RIF1: variants seen among roughly 807,000 people sequenced by gnomAD.
RIF1 encodes replication timing regulatory factor 1, also known as telomere-associated protein RIF1.
A neutral mutation model predicts 247.1 loss-of-function variants in RIF1; 45 were observed. The observed-to-expected ratio is 0.18, with a 90% CI of 0.14 to 0.23. RIF1 has a LOEUF of 0.23. RIF1 is among the 10% of genes least tolerant of loss of function. The pLI is 1.00. For synonymous variants in RIF1, 1,087 were observed against 978.8 expected (o/e 1.11, Z -2.06); for missense variants, 2,967 against 2,862.5 (o/e 1.04, Z -0.83).
At chr2:151,411,130 C>T (rs1365862948) in intron 2 of RIF1, 130 bp from the exon 3 acceptor site, 2 of 633,882 alleles carry the variant, frequency 3.2e-6, no homozygotes, top group African/African-American at 1.9e-5. Context: ...CCCTTAAGGA[C>T]CTTACCTACT....
chr2:151,428,774 C>G lies in RIF1; in HGVS notation c.787-10C>G. On this transcript the variant is annotated splice_polypyrimidine_tract_variant and intron_variant, in intron 8 of 35. Transcript: ENST00000444746. Reference sequence around the variant, plus strand: ...TAAATAACTTCTTAATGATTTTTTCCCCTTTTTAGACCTTGCATCGAAGTG... The same window carrying G: ...TAAATAACTTCTTAATGATTTTTTCGCCTTTTTAGACCTTGCATCGAAGTG... 1 of 1,591,092 alleles carries G rather than the reference C, an allele frequency of 6.3e-7. No individual in the cohort carries two copies.
At chr2:151,534,235 C>A in the RIF1 span, 2 of 1,613,348 alleles carry the variant, frequency 1.2e-6, no homozygotes, top group Admixed American at 3.3e-5. Context: ...TGGTCGCCTG[C>A]GGTCTTAGCC....
At chr2:151,446,314 G>A in intron 19 of RIF1, 112 bp from the exon 20 acceptor site, 6 of 810,184 alleles carry the variant, frequency 7.4e-6, no homozygotes, top group Non-Finnish European at 9.4e-6. Flanking sequence ...TGTCTTTTTT[G>A]ACACACTAAA....
At chr2:151,451,487 G>A in intron 20 of RIF1, 119 bp from the exon 21 acceptor site, 1 of 638,576 alleles carries the variant, frequency 1.6e-6, no homozygotes, top group East Asian at 2.8e-5. Flanking sequence ...GTAAGCTGTG[G>A]CATGTGTGTT....
In RIF1 at chr2:151,458,921, G is replaced by A. The variant is rs1332192125; in HGVS notation, c.2955+11G>A. 1.2e-5 allele frequency: 17 copies of A among 1,468,506 alleles called. No individual in the cohort carries two copies. Among genetic ancestry groups the A allele is most frequent in the Non-Finnish European group, 1.6e-5 (17 of 1,059,734 alleles). 91.0% of individuals were successfully genotyped at this position (1,468,506 alleles called of 1,614,324 possible). Reference sequence around the variant, plus strand: ...CCATATTCTGATGGAGTAAGTTGGGGGGTTTTATTGTTCATTTGTTTTTGG... The same window carrying A: ...CCATATTCTGATGGAGTAAGTTGGGAGGTTTTATTGTTCATTTGTTTTTGG... On this transcript the variant is annotated intron_variant, in intron 25 of 35. Transcript: ENST00000444746.
chr2:151,462,256 C>T lies in RIF1; in HGVS notation c.3242C>T (p.Ala1081Val), dbSNP rs753065045. 6.3e-7 allele frequency: 1 copy of T among 1,579,618 alleles called. No homozygotes were observed. Among genetic ancestry groups the T allele is most frequent in the South Asian group, 1.2e-5 (1 of 84,978 alleles). ...GTTTTTTTCAGGTGTGATATTCCTG[C>T]CATGTATAATAATCTGGATGTTTCC... ...VLKTKRCDIP[A>V]MYNNLDVSQD... is the part of the protein sequence containing the mutation. Residue 1081 changes from alanine (A) to valine (V), a missense_variant, in exon 28 of 36, where the codon GCC becomes GTC. Transcript: ENST00000444746.
intron 25 of RIF1, among the ~76,000 whole-genome samples, chr2:151,459,335 A>G (rs1029907924): frequency 5.3e-5 from 8 of 152,340 alleles, no homozygotes; most frequent in African/African-American, 1.7e-4. Context: ...GGCTAATAAT[A>G]TTTGATTACT....
At chr2:151,514,470 C>T in the RIF1 span, 4 of 1,396,640 alleles carry the variant, frequency 2.9e-6, no homozygotes, top group Non-Finnish European at 4.1e-6. Flanking sequence ...CAAGAAAGCC[C>T]AGATTGATTC....
chr2:151,521,858 GCCTT>G, the RIF1 span, among the ~76,000 whole-genome samples: 3 of 152,112 alleles, frequency 2.0e-5, no homozygotes, highest in Non-Finnish European at 4.4e-5. Flanking sequence ...AGCACTTTTG[GCCTT>G]CCTTTTTGAC....
chr2:151,460,569 T>C (rs565251956), intron 26 of RIF1, among the ~76,000 whole-genome samples: 1 of 152,326 alleles, frequency 6.6e-6, no homozygotes, highest in African/African-American at 2.4e-5. Context: ...ACTTGACTTT[T>C]AGACAACAGT....
At chr2:151,446,307 C>G in intron 19 of RIF1, 119 bp from the exon 20 acceptor site, 46 of 922,116 alleles carry the variant, frequency 5.0e-5, no homozygotes, top group East Asian at 8.4e-5. Flanking sequence ...CCGTTAGTGT[C>G]TTTTTTGACA....
In RIF1 at chr2:151,469,929, T is replaced by A. The variant is rs926912916; in HGVS notation, c.7095+65T>A. ...TGATGTAGCAGTACAGTTACAGAAG[T>A]TTGTTAAAAGATCACTTCATAATGG... On this transcript the variant is annotated intron_variant, in intron 34 of 35. Transcript: ENST00000444746. 9.6e-6 allele frequency: 12 copies of A among 1,253,802 alleles called. No individual in the cohort carries two copies. The East Asian group carries it at 3.0e-4, about 31-fold the overall frequency. The allele number at this position is 1,253,802 out of a possible 1,614,324, so 77.7% of individuals were successfully genotyped here. A position where few individuals can be genotyped will look rare whatever the true frequency, so the allele number is the denominator to read the frequency against.
At chr2:151,427,032 C>T (rs1689219062) in intron 8 of RIF1, among the ~76,000 whole-genome samples, 1 of 151,982 alleles carries the variant, frequency 6.6e-6, no homozygotes, top group Non-Finnish European at 1.5e-5. Context: ...CGAAGTATTT[C>T]CTTTAGCTCT....
At chr2:151,419,900 T>C (rs1396330502) in intron 6 of RIF1, among the ~76,000 whole-genome samples, 1 of 152,172 alleles carries the variant, frequency 6.6e-6, no homozygotes, top group Non-Finnish European at 1.5e-5. Context: ...CCTTTTCATA[T>C]TGGACTTGAG....
chr2:151,512,865 A>G, downstream of RIF1: 4 of 1,486,466 alleles, frequency 2.7e-6, no homozygotes, highest in Non-Finnish European at 3.7e-6. Context: ...ATAGTTGGGT[A>G]AATGTTTGCA....
the RIF1 span, among the ~76,000 whole-genome samples, chr2:151,517,574 CATT>C: frequency 1.3e-5 from 2 of 152,268 alleles, no homozygotes; most frequent in East Asian, 3.9e-4. Flanking sequence ...GCAATTTCAT[CATT>C]GTGTGAACAT....
chr2:151,460,777 A>G (rs1206463047), intron 26 of RIF1, among the ~76,000 whole-genome samples: 1 of 152,226 alleles, frequency 6.6e-6, no homozygotes, highest in Non-Finnish European at 1.5e-5. Context: ...TATGTAGGGC[A>G]TTTTGTATTG....
At chr2:151,443,354 C>CT in intron 17 of RIF1, 25 bp downstream of exon 17, 1 of 1,484,006 alleles carries the variant, frequency 6.7e-7, no homozygotes, top group South Asian at 1.2e-5. Flanking sequence ...TAACTTGAAA[C>CT]TTTGTCTTGG....
Position 151,494,265 on chromosome 2 carries a change from C to A in RIF1, c.*416-964C>A, listed in dbSNP as rs534797175. Reference sequence around the variant, plus strand: ...TCTTTGTACAAAACCTATGGGAATCCAATGGGTCCAAAAAGCCAAAAAGAA... The same window carrying A: ...TCTTTGTACAAAACCTATGGGAATCAAATGGGTCCAAAAAGCCAAAAAGAA... On this transcript the variant is annotated intron_variant and NMD_transcript_variant, in intron 9 of 13. Transcript: ENST00000454583. The A allele has an allele frequency of 1.2e-4, 180 of 1,557,752 alleles. 1 individual carries two copies. The South Asian group carries it at 2.0e-3, about 17-fold the overall frequency.
Sources: gnomAD v4.1 joint callset for allele counts (sites outside exome capture counted in the v4.1 genomes callset) on GRCh38, gnomAD v4.1.1 for gene constraint, MANE v1.5 for transcripts, NCBI Gene and HGNC (gene_info 2026-07-23, HGNC 2026-07-21) for gene names.